TMEM132B: variants seen among roughly 807,000 people sequenced by gnomAD.
TMEM132B encodes the protein transmembrane protein 132B.
In TMEM132B, 18 loss-of-function variants were observed where a neutral mutation model predicts 90.8. The observed-to-expected ratio is 0.20, with a 90% CI of 0.14 to 0.29. TMEM132B has a LOEUF of 0.29. Among genes scored for constraint, TMEM132B ranks in the 10% least tolerant of loss-of-function variants. The probability of loss-of-function intolerance (pLI) is 1.00; values close to 1 mark genes in which losing one functional copy is unlikely to be tolerated. For missense variants in TMEM132B, 1,096 were observed against 1,326.8 expected (o/e 0.83, Z 2.70); for synonymous variants, 504 against 523.3 (o/e 0.96, Z 0.50).
chr12:125,560,860 A>T (rs1316532386), intron 4 of TMEM132B, among the ~76,000 whole-genome samples: 1 of 147,044 alleles, frequency 6.8e-6, no homozygotes, highest in African/African-American at 2.5e-5. Context: ...AAAAAAAAAA[A>T]GTCAGGAAAC....
chr12:125,237,086 T>C (rs569592691), intron 1 of TMEM132B, among the ~76,000 whole-genome samples: 1 of 152,366 alleles, frequency 6.6e-6, no homozygotes, highest in South Asian at 2.1e-4. Context: ...CCTTCCTCCC[T>C]TCTCTATTTG....
Position 125,519,625 on chromosome 12 carries a change from G to A in TMEM132B, c.1293G>A (p.Met431Ile). Reference protein sequence around the residue: ...TTFVGIVPLAMDTEVLNTAIL... With the variant: ...TTFVGIVPLAIDTEVLNTAIL... ...TCGTGGGCATCGTCCCTCTTGCCAT[G>A]GTGAGGAATCTGGGGGTTTCAGAGG... Residue 431 changes from methionine to isoleucine, a missense_variant and splice_region_variant, in exon 4 of 9, where the codon ATG becomes ATA. Physicochemically the swap from Met to Ile is conservative, Grantham distance 10 (BLOSUM62 1). Transcript: ENST00000682704. 6.2e-7 allele frequency: 1 copy of A among 1,613,830 alleles called. No individual in the cohort carries two copies.
intron 1 of TMEM132B, among the ~76,000 whole-genome samples, chr12:125,287,884 T>C (rs143032361): frequency 6.6e-6 from 1 of 152,288 alleles, no homozygotes; most frequent in Non-Finnish European, 1.5e-5. Context: ...TGTCTTTTTT[T>C]TGAGACAGTG....
intron 1 of TMEM132B, among the ~76,000 whole-genome samples, chr12:125,269,015 TA>T (rs1452510958): frequency 7.2e-5 from 11 of 152,252 alleles, no homozygotes; most frequent in African/African-American, 2.7e-4. Context: ...GAATTTATTT[TA>T]CCAACTGATA....
chr12:125,562,575 G>C (rs1884560552), intron 4 of TMEM132B, among the ~76,000 whole-genome samples: 1 of 152,146 alleles, frequency 6.6e-6, no homozygotes, highest in African/African-American at 2.4e-5. Context: ...TAAACACTTA[G>C]AGGCCATTGT....
In TMEM132B at chr12:125,654,059, A is replaced by G. The variant is rs1424010894; in HGVS notation, c.2601A>G (p.Lys867=). 6.2e-7 allele frequency: 1 copy of G among 1,614,130 alleles called. No individual in the cohort carries two copies. The highest frequency in any genetic ancestry group is 1.7e-5 in the Admixed American group (1 of 60,016). ...TGGAAGGGAAGAATAAGTTACTCAAAAGTGGTGGTCCAGATGCCTTTACAA... is the reference window on the plus strand; with the variant it reads ...TGGAAGGGAAGAATAAGTTACTCAAGAGTGGTGGTCCAGATGCCTTTACAA... ...SPMEGKNKLL[K]SGGPDAFTSF... The change falls in exon 9 of 9, where the codon AAA becomes AAG. Residue 867 remains lysine, a synonymous_variant. Coordinates refer to ENST00000682704, the MANE Select transcript of TMEM132B (RefSeq NM_001366854.1). The surrounding 1 kb of genome is among the most constrained non-coding windows in gnomAD (Gnocchi z 5.8).
chr12:125,208,979 A>G (rs1033136270), intron 1 of TMEM132B, among the ~76,000 whole-genome samples: 12 of 152,080 alleles, frequency 7.9e-5, no homozygotes, highest in Admixed American at 1.3e-4. Flanking sequence ...GTCCCCTCTG[A>G]GTGCTGCGTC....
chr12:125,273,054 A>C (rs1288857794), intron 1 of TMEM132B, among the ~76,000 whole-genome samples: 1 of 152,262 alleles, frequency 6.6e-6, no homozygotes, highest in African/African-American at 2.4e-5. Context: ...TTGAATAGAT[A>C]CAAAATCATC....
chr12:125,533,497 T>C (rs907484515), intron 4 of TMEM132B, among the ~76,000 whole-genome samples: 1 of 152,232 alleles, frequency 6.6e-6, no homozygotes, highest in African/African-American at 2.4e-5. Flanking sequence ...TCCCTTTGCA[T>C]AGCTGATTGC....
intron 4 of TMEM132B, among the ~76,000 whole-genome samples, chr12:125,579,264 A>T (rs1884999460): frequency 6.6e-6 from 1 of 151,962 alleles, no homozygotes; most frequent in African/African-American, 2.4e-5. Flanking sequence ...CATTTCGGCT[A>T]TTGCACTTTT....
chr12:125,519,302 A>G, intron 3 of TMEM132B, 137 bp from the exon 4 acceptor site: 1 of 881,240 alleles, frequency 1.1e-6, no homozygotes, highest in Non-Finnish European at 1.7e-6. Context: ...AGGCTCCGAC[A>G]ACACTGCCGT....
chr12:125,645,615 C>G (rs1479954110), intron 6 of TMEM132B, among the ~76,000 whole-genome samples: 1 of 152,222 alleles, frequency 6.6e-6, no homozygotes, highest in Non-Finnish European at 1.5e-5. Context: ...TGTCAACAAC[C>G]TGGCTGATCT....
chr12:125,376,441 C>T (rs1593112016), intron 2 of TMEM132B, among the ~76,000 whole-genome samples: 4 of 152,280 alleles, frequency 2.6e-5, no homozygotes, highest in Admixed American at 6.5e-5. Flanking sequence ...GGACTGGGAA[C>T]GTTGGTTGAC....
At chr12:125,437,241 A>C (rs1211955084) in intron 3 of TMEM132B, among the ~76,000 whole-genome samples, 1 of 152,176 alleles carries the variant, frequency 6.6e-6, no homozygotes, top group Non-Finnish European at 1.5e-5. Flanking sequence ...TCGTGGTGTG[A>C]ACATTCCGAT....
intron 5 of TMEM132B, among the ~76,000 whole-genome samples, chr12:125,628,208 A>T (rs1010542391): frequency 2.0e-5 from 3 of 152,042 alleles, no homozygotes; most frequent in Non-Finnish European, 4.4e-5. Flanking sequence ...AACTTTTAGG[A>T]TTTAGAGGAA....
chr12:125,283,315 C>T (rs912022037), intron 1 of TMEM132B, among the ~76,000 whole-genome samples: 1 of 152,094 alleles, frequency 6.6e-6, no homozygotes, highest in Non-Finnish European at 1.5e-5. Context: ...TTTTGAGCTT[C>T]AGTAGTCAAA....
At chr12:125,455,651 A>T (rs982367406) in intron 3 of TMEM132B, among the ~76,000 whole-genome samples, 1 of 150,858 alleles carries the variant, frequency 6.6e-6, no homozygotes, top group Non-Finnish European at 1.5e-5. Flanking sequence ...CCAGGGATGG[A>T]TTATCTTCAA....
intron 3 of TMEM132B, among the ~76,000 whole-genome samples, chr12:125,474,150 C>A (rs566472153): frequency 1.3e-5 from 2 of 150,206 alleles, no homozygotes; most frequent in South Asian, 2.1e-4. Flanking sequence ...CGCCTTCCTG[C>A]CTTCTTTTTC....
chr12:125,638,623 T>C (rs1886548316), intron 5 of TMEM132B, among the ~76,000 whole-genome samples: 1 of 152,064 alleles, frequency 6.6e-6, no homozygotes, highest in African/African-American at 2.4e-5. Context: ...TCTTCTAACA[T>C]AGCAGCACAT....
Sources: allele counts gnomAD v4.1 joint callset (sites outside exome capture counted in the v4.1 genomes callset), GRCh38; gene constraint gnomAD v4.1.1; non-coding constraint Gnocchi (gnomAD v3.1); transcripts MANE v1.5; gene names NCBI Gene and HGNC (gene_info 2026-07-23, HGNC 2026-07-21).